SYAP1: variants seen among roughly 807,000 people sequenced by gnomAD.
The protein encoded by SYAP1 is synapse-associated protein 1.
SYAP1 carries 3 observed loss-of-function variants against 29.6 expected under a neutral mutation model. The ratio of observed to expected loss-of-function variants is 0.10; its 90% CI spans 0.05 to 0.26. SYAP1 has a LOEUF of 0.26. Among genes scored for constraint, SYAP1 ranks in the 10% least tolerant of loss-of-function variants. SYAP1 has a pLI of 1.00. For missense variants in SYAP1, 217 were observed against 264.1 expected, an observed-to-expected ratio of 0.82 and a Z score of 1.24; for synonymous variants, 102 against 102.7, an observed-to-expected ratio of 0.99 and a Z score of 0.04.
In SYAP1 at chrX:16,753,719, C is replaced by G. The variant is rs765227572; in HGVS notation, c.576-1226C>G. 1.2e-4 allele frequency among the ~76,000 whole-genome samples: 13 copies of G among 111,710 alleles called. No individual in the cohort carries two copies. The East Asian group carries it at 3.1e-3, about 27-fold the overall frequency. ...CCAGGGAATGTGTGTGTGCTCATTT[C>G]TGTGTGGAATGAAAACCATGTGTTC... On this transcript the variant is annotated intron_variant, in intron 5 of 8. Coordinates refer to ENST00000380155, the MANE Select transcript of SYAP1 (RefSeq NM_032796.4).
Position 16,719,864 on chromosome X carries a change from A to G in SYAP1, c.140A>G (p.Asp47Gly). The G allele has an allele frequency of 8.4e-7, 1 of 1,193,511 alleles. No individual in the cohort carries two copies. Among genetic ancestry groups the G allele is most frequent in the South Asian group, 1.8e-5 (1 of 54,648 alleles). ...SAEEELQQAG[D>G]QELLHQAKDF... ...GAGGAGGAGCTGCAGCAAGCGGGAG[A>G]CCAGGAGCTCCTCCACCAGGCCAAA... Residue 47 changes from aspartate (D) to glycine (G), a missense_variant, in exon 1 of 9, where the codon GAC becomes GGC. Physicochemically the swap from Asp to Gly is moderately conservative, Grantham distance 94. Coordinates refer to ENST00000380155, the MANE Select transcript of SYAP1 (RefSeq NM_032796.4).
chrX:16,757,338 A>T, intron 8 of SYAP1, 29 bp downstream of exon 8: 2 of 1,179,926 alleles, frequency 1.7e-6, no homozygotes, highest in Non-Finnish European at 2.3e-6. Flanking sequence ...CAAAGCAAAG[A>T]AACTATTCGT....
chrX:16,741,105 C>T (rs141124869), intron 3 of SYAP1, among the ~76,000 whole-genome samples: 6 of 111,111 alleles, frequency 5.4e-5, no homozygotes, highest in Non-Finnish European at 7.5e-5. Context: ...ATCTGGAAGG[C>T]CATGATGTTC....
chrX:16,761,654 CAGAGTG>C lies in SYAP1; in HGVS notation c.*1300_*1305del, dbSNP rs1175035535. Reference sequence around the variant, plus strand: ...CGCCACTGCACTCCAGCCTGGGTGACAGAGTGAGAGACTCCGTCTCAAAAATGAATG... The same window carrying C: ...CGCCACTGCACTCCAGCCTGGGTGACAGAGACTCCGTCTCAAAAATGAATG... On this transcript the variant is annotated 3_prime_UTR_variant, in exon 9 of 9. Coordinates refer to ENST00000380155, the MANE Select transcript of SYAP1 (RefSeq NM_032796.4). 1 of 109,769 alleles carries C rather than the reference CAGAGTG, an allele frequency of 9.1e-6. No individual in the cohort carries two copies. The highest frequency in any genetic ancestry group is 3.3e-5 in the African/African-American group (1 of 29,910). 9.0% of individuals were successfully genotyped at this position (109,769 alleles called of 1,213,427 possible).
intron 5 of SYAP1, among the ~76,000 whole-genome samples, chrX:16,750,580 C>A (rs1926709294): frequency 9.0e-6 from 1 of 110,734 alleles, no homozygotes; most frequent in African/African-American, 3.3e-5. Flanking sequence ...CAGCAAATTC[C>A]ATCTTGTTAC....
intron 3 of SYAP1, among the ~76,000 whole-genome samples, chrX:16,739,009 C>T (rs1201984750): frequency 9.0e-6 from 1 of 111,007 alleles, no homozygotes; most frequent in Non-Finnish European, 1.9e-5. Flanking sequence ...ATTTCAGGAA[C>T]TCGGGGTGGG....
chrX:16,734,996 C>CAAAAAAAAAAAA (rs1213395857), intron 1 of SYAP1, among the ~76,000 whole-genome samples: 1 of 9,917 alleles, frequency 1.0e-4, no homozygotes, highest in Admixed American at 1.5e-3. Context: ...GAGACTGTCT[C>CAAAAAAAAAAAA]AAAAAAAAAA....
In SYAP1 at chrX:16,757,957, G is replaced by T. The variant is rs770861925; in HGVS notation, c.931+648G>T. The stretch of plus-strand genomic sequence containing the variant: ...ATTTTTAAAAGCTGGCATTCTCCTT[G>T]ACTGTAGACATGTACATGGAAGATT... On this transcript the variant is annotated intron_variant, in intron 8 of 8. Coordinates refer to ENST00000380155, the MANE Select transcript of SYAP1 (RefSeq NM_032796.4). 2.7e-5 allele frequency among the ~76,000 whole-genome samples: 3 copies of T among 110,307 alleles called. No homozygotes were observed. The East Asian group carries it at 8.5e-4, about 31-fold the overall frequency.
Position 16,742,143 on chromosome X carries a change from G to GTTTTTTTTTT in SYAP1, c.435+371_435+380dup, listed in dbSNP as rs144175479. Among the ~76,000 whole-genome samples, 4 of 41,872 alleles carry GTTTTTTTTTT rather than the reference G, an allele frequency of 9.6e-5. 1 individual carries two copies. Among genetic ancestry groups the GTTTTTTTTTT allele is most frequent in the African/African-American group, 5.3e-4 (4 of 7,526 alleles). The allele number at this position is 41,872 out of a possible 115,157, so 36.4% of individuals were successfully genotyped here. ...ACCATGCCCAGCTAATTTTTGTGTG[G>GTTTTTTTTTT]TTTTTTTTTTTTTTTTTTTTTTTTT... is the stretch of plus-strand genomic sequence containing the variant. On this transcript the variant is annotated intron_variant, in intron 4 of 8. Coordinates refer to ENST00000380155, the MANE Select transcript of SYAP1 (RefSeq NM_032796.4).
At chrX:16,732,898 C>G (rs1240694982) in intron 1 of SYAP1, among the ~76,000 whole-genome samples, 1 of 112,344 alleles carries the variant, frequency 8.9e-6, no homozygotes, top group Non-Finnish European at 1.9e-5. Flanking sequence ...GGCTTTCAGT[C>G]TGGCTGAGAA....
chrX:16,743,233 C>T (rs1000488490), intron 4 of SYAP1, among the ~76,000 whole-genome samples: 15 of 109,446 alleles, frequency 1.4e-4, no homozygotes, highest in African/African-American at 4.3e-4. Context: ...GAGGCTGAGG[C>T]AGGAGAATTG....
chrX:16,755,583 G>C (rs1926826324), intron 6 of SYAP1, among the ~76,000 whole-genome samples: 1 of 109,771 alleles, frequency 9.1e-6, no homozygotes, highest in African/African-American at 3.3e-5. Flanking sequence ...CCTCCTTTTT[G>C]TTTGTTTCAA....
chrX:16,757,831 C>T (rs1000536607), intron 8 of SYAP1, among the ~76,000 whole-genome samples: 4 of 102,615 alleles, frequency 3.9e-5, no homozygotes, highest in Non-Finnish European at 7.9e-5. Flanking sequence ...CACTTGAACC[C>T]GGGAGGCGGA....
intron 5 of SYAP1, among the ~76,000 whole-genome samples, chrX:16,748,597 G>A (rs1926658721): frequency 8.9e-6 from 1 of 111,943 alleles, no homozygotes; most frequent in Admixed American, 9.5e-5. Flanking sequence ...GATGACAGTA[G>A]GGAAATCACA....
intron 1 of SYAP1, among the ~76,000 whole-genome samples, chrX:16,722,482 C>G (rs1046619765): frequency 9.3e-6 from 1 of 107,462 alleles, no homozygotes; most frequent in African/African-American, 3.4e-5. Flanking sequence ...GAGCCGAGAT[C>G]GCGCCACTGC....
chrX:16,727,341 CT>C (rs59067207), intron 1 of SYAP1, among the ~76,000 whole-genome samples: 4,949 of 79,494 alleles, frequency 0.062, 374 homozygotes, highest in African/African-American at 0.22. Flanking sequence ...TGAGATAAGA[CT>C]TTTTTTTTTT....
intron 1 of SYAP1, among the ~76,000 whole-genome samples, 199 bp from the exon 2 acceptor site, chrX:16,735,023 CAAAAA>C (rs1926299847): frequency 1.3e-5 from 1 of 74,587 alleles, no homozygotes; most frequent in African/African-American, 5.3e-5. Flanking sequence ...AAAAAAAAAA[CAAAAA>C]AAGAGATGAA....
chrX:16,742,205 G>A (rs911200260), intron 4 of SYAP1, among the ~76,000 whole-genome samples: 4 of 93,961 alleles, frequency 4.3e-5, no homozygotes, highest in African/African-American at 4.1e-5. Flanking sequence ...AGCCTGGAGC[G>A]CAGTGGCACG....
rs780021366 is a variant in SYAP1, at chrX:16,762,055, T to C, written c.*1696T>C. ...GGGCCCATCATCAAAAGGTTTCCAC[T>C]TGTGGTGCCACAGTTGCTTATTACT... On this transcript the variant is annotated 3_prime_UTR_variant, in exon 9 of 9. Transcript: ENST00000380155. The C allele has an allele frequency of 8.9e-6, 1 of 112,266 alleles. No homozygotes were observed. The highest frequency in any genetic ancestry group is 1.9e-5 in the Non-Finnish European group (1 of 53,291). The allele number at this position is 112,266 out of a possible 1,213,427, so 9.3% of individuals were successfully genotyped here. A position where few individuals can be genotyped will look rare whatever the true frequency, so the allele number is the denominator to read the frequency against.
Sources: gnomAD v4.1 joint callset for allele counts (sites outside exome capture counted in the v4.1 genomes callset) on GRCh38, gnomAD v4.1.1 for gene constraint, MANE v1.5 for transcripts, NCBI Gene and HGNC (gene_info 2026-07-23, HGNC 2026-07-21) for gene names.